The following EEIG2 variants were observed in gnomAD, a reference collection of about 807,000 sequenced individuals.
The protein encoded by EEIG2 is EEIG family member 2.
At chr1:108,606,701 A>T in the EEIG2 span, among the ~76,000 whole-genome samples, 1 of 152,244 alleles carries the variant, frequency 6.6e-6, no homozygotes, top group Non-Finnish European at 1.5e-5. Context: ...GGAATTAGTA[A>T]CAACATTACC....
the EEIG2 span, among the ~76,000 whole-genome samples, chr1:108,622,556 G>A: frequency 6.6e-6 from 1 of 152,214 alleles, no homozygotes; most frequent in Admixed American, 6.5e-5. Flanking sequence ...TGACTTTGTG[G>A]ATTGCAATGA....
the EEIG2 span, chr1:108,606,305 A>AT: frequency 7.9e-7 from 1 of 1,269,536 alleles, no homozygotes; most frequent in Non-Finnish European, 1.1e-6. Flanking sequence ...GCTTATTGCT[A>AT]TTTATAGGCT....
At chr1:108,621,770 C>T in the EEIG2 span, among the ~76,000 whole-genome samples, 1 of 151,950 alleles carries the variant, frequency 6.6e-6, no homozygotes, top group South Asian at 2.1e-4. Context: ...TGACTGTAGG[C>T]TCCATTCTTT....
At chr1:108,628,879 C>A in the EEIG2 span, 2 of 1,337,490 alleles carry the variant, frequency 1.5e-6, no homozygotes, top group Non-Finnish European at 2.1e-6. Flanking sequence ...AGTAAAGAGG[C>A]TCAGAACATC....
the EEIG2 span, among the ~76,000 whole-genome samples, chr1:108,594,480 C>T: frequency 6.6e-6 from 1 of 152,162 alleles, no homozygotes; most frequent in Admixed American, 6.5e-5. Flanking sequence ...CAGTTCCAAC[C>T]TTTCCTGCTG....
At chr1:108,630,673 A>C in the EEIG2 span, among the ~76,000 whole-genome samples, 1 of 152,246 alleles carries the variant, frequency 6.6e-6, no homozygotes, top group Non-Finnish European at 1.5e-5. Flanking sequence ...ATTGATTATC[A>C]GCACTGCAGC....
At chr1:108,606,368 G>A in the EEIG2 span, 1 of 570,284 alleles carries the variant, frequency 1.8e-6, no homozygotes, top group Non-Finnish European at 2.9e-6. Flanking sequence ...GGCTCTTTTT[G>A]TATGCAACTT....
the EEIG2 span, among the ~76,000 whole-genome samples, chr1:108,565,727 T>C: frequency 3.3e-5 from 5 of 152,184 alleles, no homozygotes; most frequent in Non-Finnish European, 2.9e-5. Flanking sequence ...CACATCTATG[T>C]ATTGGACCTT....
chr1:108,631,168 A>G, the EEIG2 span: 4 of 388,016 alleles, frequency 1.0e-5, no homozygotes, highest in Non-Finnish European at 2.1e-5. Context: ...TCTTGGGCCA[A>G]TTTGTAGGTA....
At chr1:108,607,712 A>G in the EEIG2 span, among the ~76,000 whole-genome samples, 23 of 152,304 alleles carry the variant, frequency 1.5e-4, 1 homozygote, top group South Asian at 4.8e-3. Flanking sequence ...ATAGCAGGGC[A>G]TTGATTCTGG....
At chr1:108,635,361 GT>G in the EEIG2 span, 12,656 of 570,158 alleles carry the variant, frequency 0.022, 214 homozygotes, top group Admixed American at 0.031. Flanking sequence ...CTGTGCCACT[GT>G]GTGCCTTGGA....
At chr1:108,611,857 T>C in the EEIG2 span, among the ~76,000 whole-genome samples, 1 of 152,208 alleles carries the variant, frequency 6.6e-6, no homozygotes, top group African/African-American at 2.4e-5. Flanking sequence ...GCAATGATTT[T>C]AGCTGTTTGA....
the EEIG2 span, among the ~76,000 whole-genome samples, chr1:108,580,434 A>G: frequency 6.6e-6 from 1 of 152,188 alleles, no homozygotes; most frequent in Non-Finnish European, 1.5e-5. Context: ...CTTTAAGTCA[A>G]AAGCTAGCAA....
At chr1:108,565,897 G>A in the EEIG2 span, among the ~76,000 whole-genome samples, 1 of 152,080 alleles carries the variant, frequency 6.6e-6, no homozygotes, top group Non-Finnish European at 1.5e-5. Flanking sequence ...AAAATAGAAA[G>A]GCAGAAAGAA....
the EEIG2 span, among the ~76,000 whole-genome samples, chr1:108,590,509 G>A: frequency 6.6e-6 from 1 of 152,150 alleles, no homozygotes; most frequent in African/African-American, 2.4e-5. Context: ...CTGAACTCTT[G>A]TGTGTAATAA....
chr1:108,586,755 G>T, the EEIG2 span, among the ~76,000 whole-genome samples: 130 of 152,158 alleles, frequency 8.5e-4, no homozygotes, highest in African/African-American at 3.1e-3. Flanking sequence ...TTGGTTTTTC[G>T]TGTACATACA....
At chr1:108,572,982 T>C in the EEIG2 span, among the ~76,000 whole-genome samples, 405 of 152,336 alleles carry the variant, frequency 2.7e-3, 3 homozygotes, top group African/African-American at 9.2e-3. Flanking sequence ...TATCTGGATA[T>C]ACTATGGTTT....
At chr1:108,634,752 G>C in the EEIG2 span, among the ~76,000 whole-genome samples, 1 of 152,160 alleles carries the variant, frequency 6.6e-6, no homozygotes, top group Admixed American at 6.5e-5. Context: ...TGCAAGTCCT[G>C]ATGCACTGCC....
chr1:108,616,595 A>G, the EEIG2 span, among the ~76,000 whole-genome samples: 4 of 152,186 alleles, frequency 2.6e-5, no homozygotes, highest in Admixed American at 6.5e-5. Flanking sequence ...ATGTTTACCT[A>G]TTACCAAATG....
Sources: allele counts gnomAD v4.1 joint callset (sites outside exome capture counted in the v4.1 genomes callset), GRCh38; gene constraint gnomAD v4.1.1; transcripts MANE v1.5; gene names NCBI Gene and HGNC (gene_info 2026-07-23, HGNC 2026-07-21).